FLYWCH1: variants seen among roughly 807,000 people sequenced by gnomAD.
FLYWCH1 encodes FLYWCH-type zinc finger-containing protein 1.
In FLYWCH1, 75 loss-of-function variants were observed where a neutral mutation model predicts 66.4. The observed-to-expected ratio is 1.13, with a 90% CI of 0.94 to 1.37. The LOEUF (loss-of-function observed/expected upper bound fraction) is 1.37. Among genes scored for constraint, FLYWCH1 ranks in the 40% most tolerant of loss-of-function variants. The probability of loss-of-function intolerance (pLI) is 0.00; values close to 1 mark genes in which losing one functional copy is unlikely to be tolerated. For synonymous variants in FLYWCH1, 595 were observed against 429.9 expected (o/e 1.38, Z -4.75); for missense variants, 1,334 against 1,001.8 (o/e 1.33, Z -4.48).
chr16:2,934,796 C>T, intron 6 of FLYWCH1: 2 of 360,752 alleles, frequency 5.5e-6, no homozygotes, highest in Non-Finnish European at 1.1e-5. Context: ...CTCCTGACCC[C>T]ACAAGTAACT....
At chr16:2,946,073 G>A (rs2071474952) in intron 9 of FLYWCH1, among the ~76,000 whole-genome samples, 1 of 152,104 alleles carries the variant, frequency 6.6e-6, no homozygotes, top group Admixed American at 6.6e-5. Context: ...ATGTATTTGT[G>A]TTTTAAACTG....
At chr16:2,940,750 G>C (rs545760994) in intron 9 of FLYWCH1, among the ~76,000 whole-genome samples, 4 of 152,280 alleles carry the variant, frequency 2.6e-5, no homozygotes, top group African/African-American at 9.6e-5. Context: ...TTATTGGTTT[G>C]TAATTACATC....
In FLYWCH1 at chr16:2,933,262, A is replaced by G; in HGVS notation, c.929A>G (p.His310Arg). 6.2e-7 allele frequency: 1 copy of G among 1,612,884 alleles called. No homozygotes were observed. The change falls in exon 5 of 10, where the codon CAC (histidine) becomes CGC (arginine). Residue 310 changes from histidine (H) to arginine (R), a missense_variant. By Grantham distance (29) the His-to-Arg change is conservative (BLOSUM62 0). Transcript: ENST00000253928. ...TGGACCTGCCGGGACCACGCGCTGC[A>G]CGGCTGCCGGAGCCGGGCCATCACC... ...VYWTCRDHAL[H>R]GCRSRAITQG...
rs1011684062 is a variant in FLYWCH1 at position 2,934,046 on chromosome 16, C to G, written c.1513+67C>G. ...CAGGAGCCCCACACTGCCTTTCCCT[C>G]TCCATGCTGCGGCTCCCCCTGGCAA... On this transcript the variant is annotated intron_variant, in intron 6 of 9. Coordinates refer to ENST00000253928, the MANE Select transcript of FLYWCH1 (RefSeq NM_001308068.2). The G allele has an allele frequency of 1.7e-5, 25 of 1,439,056 alleles. No individual in the cohort carries two copies. The African/African-American group carries it at 3.6e-4, about 21-fold the overall frequency. The allele number at this position is 1,439,056 out of a possible 1,614,324, so 89.1% of individuals were successfully genotyped here. A position where few individuals can be genotyped will look rare whatever the true frequency, so the allele number is the denominator to read the frequency against.
chr16:2,929,848 G>T lies in FLYWCH1; in HGVS notation c.163G>T (p.Val55Leu). The change falls in exon 3 of 10, where the codon GTG becomes TTG. Residue 55 changes from valine (V) to leucine (L), a missense_variant. Coordinates refer to ENST00000253928, the MANE Select transcript of FLYWCH1 (RefSeq NM_001308068.2). ...AGCCTCCGACCAAGATGAGGATGGG[G>T]TGGGATCCAAGCCCCAGGAAGTGCA... ...LTASDQDEDG[V>L]GSKPQEVHCV... 1 of 1,613,986 alleles carries T rather than the reference G, an allele frequency of 6.2e-7. No homozygotes were observed. The highest frequency in any genetic ancestry group is 8.5e-7 in the Non-Finnish European group (1 of 1,179,888).
intron 2 of FLYWCH1, among the ~76,000 whole-genome samples, chr16:2,927,830 T>C (rs2070625866): frequency 6.6e-6 from 1 of 152,162 alleles, no homozygotes; most frequent in African/African-American, 2.4e-5. Flanking sequence ...ACAAAGTATA[T>C]AGAAAACAGT....
Position 2,945,976 on chromosome 16 carries a change from A to G in FLYWCH1, c.2112-2712A>G, listed in dbSNP as rs372865751. On this transcript the variant is annotated intron_variant, in intron 9 of 9. Transcript: ENST00000253928. ...TGCGACACTGCACTCCAGCCTGGGC[A>G]ACAGAGCGAGACTCCATGTCAAAAA... 3.6e-3 allele frequency among the ~76,000 whole-genome samples: 551 copies of G among 152,050 alleles called. 1 individual carries two copies. Among genetic ancestry groups the G allele is most frequent in the African/African-American group, 0.01 (424 of 41,490 alleles).
chr16:2,923,128 G>A (rs984742136), intron 2 of FLYWCH1: 14 of 396,482 alleles, frequency 3.5e-5, no homozygotes, highest in Admixed American at 2.6e-4. Flanking sequence ...TTTTTGTGTG[G>A]CTGTGGACGC....
rs1415380570 is a variant in FLYWCH1, at chr16:2,938,196, C to T, written c.1790C>T (p.Pro597Leu). ...AQWDSPDPLR[P>L]LEFLRTSLGG... ...CTTTCCCTTTCAGATCCTCTCCGGC[C>T]CCTGGAGTTCCTGAGGACTTCCCTG... The change falls in exon 8 of 10, where the codon CCC becomes CTC. Residue 597 changes from proline to leucine, a missense_variant. By Grantham distance (98) the Pro-to-Leu change is moderately conservative (BLOSUM62 -3). Transcript: ENST00000253928. The T allele has an allele frequency of 1.2e-6, 2 of 1,612,682 alleles. No homozygotes were observed. Among genetic ancestry groups the T allele is most frequent in the Non-Finnish European group, 1.7e-6 (2 of 1,179,554 alleles).
chr16:2,931,174 G>A (rs192888305), intron 4 of FLYWCH1, among the ~76,000 whole-genome samples: 36 of 151,886 alleles, frequency 2.4e-4, no homozygotes, highest in East Asian at 1.9e-3. Context: ...ATGCTGGTGC[G>A]CACCTGTAAT....
intron 9 of FLYWCH1, chr16:2,943,375 C>A (rs1475988956): frequency 6.6e-6 from 1 of 151,822 alleles, no homozygotes; most frequent in East Asian, 1.9e-4. Context: ...GTTACTAATT[C>A]TGCGTCGCAT....
intron 2 of FLYWCH1, among the ~76,000 whole-genome samples, chr16:2,914,735 C>T (rs1173969245): frequency 6.6e-6 from 1 of 151,878 alleles, no homozygotes; most frequent in African/African-American, 2.4e-5. Flanking sequence ...CCTGTCTATA[C>T]TAAAAATACA....
At chr16:2,938,550 G>C in intron 8 of FLYWCH1, 94 bp downstream of exon 8, 1 of 1,210,712 alleles carries the variant, frequency 8.3e-7, no homozygotes, top group Non-Finnish European at 1.1e-6. Context: ...CCACTGAGCA[G>C]ACTGCTTTTG....
intron 9 of FLYWCH1, among the ~76,000 whole-genome samples, chr16:2,944,640 T>C (rs1455388326): frequency 6.6e-6 from 1 of 151,536 alleles, no homozygotes; most frequent in Non-Finnish European, 1.5e-5. Context: ...TTGGGAAACA[T>C]GGTGAAACCC....
chr16:2,946,898 G>A (rs190574681), intron 9 of FLYWCH1, among the ~76,000 whole-genome samples: 33 of 152,174 alleles, frequency 2.2e-4, no homozygotes, highest in Admixed American at 1.1e-3. Flanking sequence ...CTCTCTTGGC[G>A]ACGATGCAAA....
chr16:2,937,209 G>T lies in FLYWCH1; in HGVS notation c.1602G>T (p.Glu534Asp), dbSNP rs1423544620. ...FLYRREKAAGEKVYWTCRDQA... is the reference protein window; with the variant it reads ...FLYRREKAAGDKVYWTCRDQA... ...ACCGGCGGGAGAAGGCGGCCGGGGA[G>T]AAGGTGTATTGGACCTGCCGGGACC... is the stretch of plus-strand genomic sequence containing the variant. The change falls in exon 7 of 10, where the codon GAG (glutamate) becomes GAT (aspartate). Residue 534 changes from glutamate (E) to aspartate (D), a missense_variant. By Grantham distance (45) the Glu-to-Asp change is conservative. Coordinates refer to ENST00000253928, the MANE Select transcript of FLYWCH1 (RefSeq NM_001308068.2). 6.2e-7 allele frequency: 1 copy of T among 1,603,690 alleles called. No homozygotes were observed. The highest frequency in any genetic ancestry group is 2.0e-4 in the Middle Eastern group (1 of 5,114).
chr16:2,934,851 G>A (rs780090406), intron 6 of FLYWCH1: 5 of 293,936 alleles, frequency 1.7e-5, no homozygotes, highest in Non-Finnish European at 2.0e-5. Flanking sequence ...TTCCTAAAAT[G>A]TGCCTCCACT....
intron 2 of FLYWCH1, among the ~76,000 whole-genome samples, chr16:2,926,119 C>T (rs1479497181): frequency 6.6e-5 from 10 of 152,210 alleles, no homozygotes; most frequent in African/African-American, 2.4e-4. Context: ...TTTGCCCTTT[C>T]TGCCTCTCCA....
chr16:2,915,801 GAA>G (rs545844349), intron 2 of FLYWCH1, among the ~76,000 whole-genome samples: 1 of 105,706 alleles, frequency 9.5e-6, no homozygotes. Context: ...TGTGTCGAGA[GAA>G]AAAAAAAAAA....
Sources: allele counts gnomAD v4.1 joint callset (sites outside exome capture counted in the v4.1 genomes callset), GRCh38; gene constraint gnomAD v4.1.1; transcripts MANE v1.5; gene names NCBI Gene and HGNC (gene_info 2026-07-23, HGNC 2026-07-21).